PRKACB: variants seen among roughly 807,000 people sequenced by gnomAD.
PRKACB encodes the protein protein kinase cAMP-activated catalytic subunit beta.
PRKACB carries 16 observed loss-of-function variants against 51.4 expected under a neutral mutation model. The observed-to-expected ratio is 0.31, with a 90% CI of 0.21 to 0.47. PRKACB has a LOEUF of 0.47. Ranked by LOEUF, PRKACB falls within the 20% of genes least tolerant of loss-of-function variation. The probability of loss-of-function intolerance (pLI) is 1.00; values close to 1 mark genes in which losing one functional copy is unlikely to be tolerated. For synonymous variants in PRKACB, 147 were observed against 154.4 expected, an observed-to-expected ratio of 0.95 and a Z score of 0.35; for missense variants, 309 against 464.5, an observed-to-expected ratio of 0.67 and a Z score of 3.08.
intron 1 of PRKACB, among the ~76,000 whole-genome samples, chr1:84,138,266 G>A (rs1037223011): frequency 3.9e-5 from 6 of 152,116 alleles, no homozygotes; most frequent in African/African-American, 1.4e-4. Context: ...GTATATCAAA[G>A]GGACATAGGA....
intron 5 of PRKACB, among the ~76,000 whole-genome samples, chr1:84,191,361 T>C (rs967484106): frequency 2.0e-5 from 3 of 152,100 alleles, no homozygotes; most frequent in African/African-American, 7.2e-5. Context: ...CCCATCTCTT[T>C]TGGATTGTAA....
intron 1 of PRKACB, among the ~76,000 whole-genome samples, chr1:84,100,522 T>C (rs966382519): frequency 2.0e-5 from 3 of 152,168 alleles, no homozygotes; most frequent in African/African-American, 7.2e-5. Context: ...TACTGAGGCT[T>C]AGAGAAGATA....
chr1:84,087,519 C>T (rs550595585), intron 1 of PRKACB, among the ~76,000 whole-genome samples: 1 of 152,146 alleles, frequency 6.6e-6, no homozygotes, highest in African/African-American at 2.4e-5. Flanking sequence ...TTAGCAATTT[C>T]AAAAGCTAGA....
chr1:84,184,997 A>G (rs1664675893), intron 4 of PRKACB, 103 bp from the exon 5 acceptor site: 1 of 560,446 alleles, frequency 1.8e-6, no homozygotes, highest in Non-Finnish European at 2.9e-6. Context: ...AAGGTTATTA[A>G]TCTGTCAGAG....
intron 1 of PRKACB, among the ~76,000 whole-genome samples, chr1:84,124,406 C>T (rs901112264): frequency 4.6e-5 from 7 of 152,190 alleles, no homozygotes; most frequent in African/African-American, 1.7e-4. Context: ...TATAACTTTA[C>T]AGCCTTTCAT....
chr1:84,203,962 A>G (rs1670866993), intron 8 of PRKACB, among the ~76,000 whole-genome samples: 1 of 151,950 alleles, frequency 6.6e-6, no homozygotes, highest in Non-Finnish European at 1.5e-5. Context: ...TCAACTTACA[A>G]TTTCCATTGT....
At chr1:84,213,851 C>A (rs1490134017) in intron 8 of PRKACB, among the ~76,000 whole-genome samples, 3 of 152,088 alleles carry the variant, frequency 2.0e-5, no homozygotes, top group Non-Finnish European at 4.4e-5. Flanking sequence ...GGTGAACTTT[C>A]TGATATTTTG....
chr1:84,227,143 T>A (rs1208795277), intron 9 of PRKACB, among the ~76,000 whole-genome samples: 1 of 152,122 alleles, frequency 6.6e-6, no homozygotes, highest in Non-Finnish European at 1.5e-5. Context: ...AAGTTGGGAT[T>A]ATATGGGATT....
chr1:84,152,151 T>C, intron 1 of PRKACB, among the ~76,000 whole-genome samples: 1 of 152,224 alleles, frequency 6.6e-6, no homozygotes, highest in African/African-American at 2.4e-5. Flanking sequence ...TCAGGTGCAT[T>C]GTCAATTAGC....
chr1:84,215,664 G>T (rs1457469268), intron 9 of PRKACB, among the ~76,000 whole-genome samples: 1 of 152,010 alleles, frequency 6.6e-6, no homozygotes, highest in Non-Finnish European at 1.5e-5. Context: ...GTTTTGTTTT[G>T]TTTTTTGCTA....
intron 2 of PRKACB, chr1:84,181,618 G>GT: frequency 3.2e-6 from 4 of 1,249,314 alleles, no homozygotes; most frequent in Non-Finnish European, 4.2e-6. Flanking sequence ...AGATAATACT[G>GT]TGTTTTTATA....
intron 1 of PRKACB, among the ~76,000 whole-genome samples, chr1:84,114,394 T>C (rs1202566703): frequency 6.6e-6 from 1 of 152,056 alleles, no homozygotes; most frequent in Non-Finnish European, 1.5e-5. Context: ...TGGTTGTTTC[T>C]AAGGGCAGAG....
Position 84,186,865 on chromosome 1 carries a change from C to T in PRKACB, c.560+1683C>T, listed in dbSNP as rs1665280059. Among the ~76,000 whole-genome samples the T allele has an allele frequency of 2.0e-5, 3 of 152,110 alleles. No homozygotes were observed. In the South Asian group the frequency reaches 6.2e-4, roughly 31 times the overall value. On this transcript the variant is annotated intron_variant, in intron 5 of 9. Transcript: ENST00000370685. ...AGATTTTTGTCTGGAGTCCAGCCAG[C>T]ATCGAGTTCCCACTTATCACTTCCA...
chr1:84,099,358 A>G (rs921876064), intron 1 of PRKACB, among the ~76,000 whole-genome samples: 9 of 129,924 alleles, frequency 6.9e-5, no homozygotes, highest in African/African-American at 2.4e-4. Context: ...ATAGTCGAAG[A>G]CATAGTAGTA....
At chr1:84,167,328 A>G (rs1558073645) in intron 1 of PRKACB, among the ~76,000 whole-genome samples, 3 of 151,634 alleles carry the variant, frequency 2.0e-5, no homozygotes, top group Non-Finnish European at 4.4e-5. Context: ...GGTCACATGC[A>G]ATCAATGACT....
intron 1 of PRKACB, among the ~76,000 whole-genome samples, chr1:84,107,401 A>G (rs1649842338): frequency 6.6e-6 from 1 of 152,152 alleles, no homozygotes; most frequent in South Asian, 2.1e-4. Flanking sequence ...TAACCTAGGA[A>G]ATACCATTTT....
intron 7 of PRKACB, among the ~76,000 whole-genome samples, chr1:84,200,254 T>C (rs1467254931): frequency 1.3e-5 from 2 of 152,346 alleles, no homozygotes; most frequent in Non-Finnish European, 1.5e-5. Context: ...TGAGCATTTT[T>C]TCATATCTTT....
At chr1:84,199,129 A>ATGCG (rs1669298374) in intron 7 of PRKACB, among the ~76,000 whole-genome samples, 1 of 147,538 alleles carries the variant, frequency 6.8e-6, no homozygotes, top group Non-Finnish European at 1.5e-5. Flanking sequence ...ATATATATAT[A>ATGCG]TATACACACA....
chr1:84,087,125 G>A (rs1472937063), intron 1 of PRKACB, among the ~76,000 whole-genome samples: 3 of 152,248 alleles, frequency 2.0e-5, no homozygotes, highest in African/African-American at 7.2e-5. Context: ...AATGTGCTAT[G>A]TGTAGTTGTG....
Sources: allele counts gnomAD v4.1 joint callset (sites outside exome capture counted in the v4.1 genomes callset), GRCh38; gene constraint gnomAD v4.1.1; transcripts MANE v1.5; gene names NCBI Gene and HGNC (gene_info 2026-07-23, HGNC 2026-07-21).